Variants in MYL6B observed in about 807,000 individuals in gnomAD.
The protein encoded by MYL6B is myosin alkali light chain 1 slow a.
In MYL6B, 19 loss-of-function variants were observed where a neutral mutation model predicts 24.5. The ratio of observed to expected loss-of-function variants is 0.78; its 90% CI spans 0.54 to 1.14. The LOEUF (loss-of-function observed/expected upper bound fraction) is 1.14, where lower values mean the gene tolerates loss of function less well. Ranked by LOEUF, MYL6B falls within the 50% of genes most tolerant of loss-of-function variation. MYL6B has a pLI of 0.00. For synonymous variants in MYL6B, 90 were observed against 100.7 expected, an observed-to-expected ratio of 0.89 and a Z score of 0.64; for missense variants, 230 against 263.8, an observed-to-expected ratio of 0.87 and a Z score of 0.89.
intron 4 of MYL6B, 109 bp from the exon 5 acceptor site, chr12:56,155,310 A>C: frequency 6.4e-7 from 1 of 1,569,042 alleles, no homozygotes; most frequent in East Asian, 2.2e-5. Flanking sequence ...ACACAGAAGC[A>C]GGAAAATATC....
At position 56,155,051 on chromosome 12, in the gene MYL6B, T is replaced by TTA. The variant is rs1871253355; in HGVS notation, c.203-3_203-2dup. The TTA allele has an allele frequency of 6.2e-7, 1 of 1,608,432 alleles. No individual in the cohort carries two copies. Among genetic ancestry groups the TTA allele is most frequent in the African/African-American group, 1.3e-5 (1 of 74,656 alleles). ...GTCTACACTGACCCTTCCTTATACT[T>TTA]TAGAGTTCAAGGAGGCCTTCGAGCT... On this transcript the variant is annotated splice_region_variant and splice_polypyrimidine_tract_variant and intron_variant, in intron 3 of 6. Coordinates refer to ENST00000553066, the Ensembl canonical transcript of MYL6B.
At chr12:56,156,121 C>T in intron 5 of MYL6B, 5 of 626,234 alleles carry the variant, frequency 8.0e-6, no homozygotes, top group Non-Finnish European at 1.0e-5. Flanking sequence ...GCCTGGCCAA[C>T]ATGGTAAAAC....
chr12:56,155,429 G>C (rs748931036), exon 5 of MYL6B: 1 of 1,614,194 alleles, frequency 6.2e-7, no homozygotes, highest in Non-Finnish European at 8.5e-7. Flanking sequence ...AGCTGAAGTC[G>C]CGGCGTGTGG....
At chr12:56,153,074 G>T (rs968522012) in intron 1 of MYL6B, among the ~76,000 whole-genome samples, 1 of 152,026 alleles carries the variant, frequency 6.6e-6, no homozygotes, top group East Asian at 1.9e-4. Flanking sequence ...CCCAGAGCCT[G>T]CCCTTCTCCT....
chr12:56,155,405 T>TC lies in MYL6B; in HGVS notation c.347-13dup. 6.2e-7 allele frequency: 1 copy of TC among 1,614,164 alleles called. No homozygotes were observed. The highest frequency in any genetic ancestry group is 1.3e-5 in the African/African-American group (1 of 75,028). ...ACTACAATGACCTCTCCTTTACCTC[T>TC]CTCCAACCTCCAGAGCTGAAGTCGC... On this transcript the variant is annotated splice_polypyrimidine_tract_variant and intron_variant, in intron 4 of 6. Transcript: ENST00000553066.
intron 1 of MYL6B, among the ~76,000 whole-genome samples, chr12:56,152,836 C>G (rs999215465): frequency 2.6e-5 from 4 of 152,086 alleles, no homozygotes; most frequent in Admixed American, 1.3e-4. Context: ...CTATCTTCCT[C>G]AGAATGCTAC....
At chr12:56,155,666 G>C (rs571365621) in intron 5 of MYL6B, 74 bp downstream of exon 5, 1 of 1,606,462 alleles carries the variant, frequency 6.2e-7, no homozygotes, top group East Asian at 2.2e-5. Flanking sequence ...AGACTGGACA[G>C]ATAAGCAGAG....
exon 2 of MYL6B, chr12:56,153,938 T>C (rs1871207392): frequency 6.2e-7 from 1 of 1,612,998 alleles, no homozygotes; most frequent in Non-Finnish European, 8.5e-7. Flanking sequence ...AAGAAGGATG[T>C]TCCCGTGAAG....
chr12:56,157,279 G>A (rs1871358996), intron 5 of MYL6B, 189 bp from the exon 6 acceptor site: 1 of 571,064 alleles, frequency 1.8e-6, no homozygotes, highest in Non-Finnish European at 3.1e-6. Context: ...AGCTACTCGG[G>A]AGGGTGAGGC....
intron 1 of MYL6B, 156 bp from the exon 2 acceptor site, chr12:56,153,717 A>C (rs2136902464): frequency 3.7e-6 from 2 of 536,974 alleles, no homozygotes; most frequent in African/African-American, 1.9e-5. Flanking sequence ...GACAGAGGGA[A>C]GAAGACCTTG....
At chr12:56,153,765 A>C in intron 1 of MYL6B, 108 bp from the exon 2 acceptor site, 1 of 739,790 alleles carries the variant, frequency 1.4e-6, no homozygotes, top group South Asian at 2.2e-5. Flanking sequence ...CAGGGGAGTG[A>C]GGGCAGGCGG....
At chr12:56,153,988 C>G (rs762788121) in exon 2 of MYL6B, 2 of 1,614,002 alleles carry the variant, frequency 1.2e-6, no homozygotes, top group Admixed American at 3.3e-5. Context: ...TGCTGCTAAG[C>G]CAGCAGCAGC....
intron 4 of MYL6B, 34 bp downstream of exon 4, chr12:56,155,232 A>G: frequency 1.3e-6 from 2 of 1,565,320 alleles, no homozygotes; most frequent in South Asian, 2.4e-5. Flanking sequence ...TTGGGTTTTT[A>G]GTTTTCAAAA....
At chr12:56,154,006 C>T in exon 2 of MYL6B, 2 of 1,614,136 alleles carry the variant, frequency 1.2e-6, no homozygotes. Flanking sequence ...AGCAGGGGCT[C>T]CTCCAGCCAA....
intron 2 of MYL6B, among the ~76,000 whole-genome samples, chr12:56,154,296 CAT>C (rs367640966): frequency 1.3e-3 from 198 of 152,322 alleles, no homozygotes; most frequent in African/African-American, 4.5e-3. Flanking sequence ...AACCTATAAT[CAT>C]GTGTGTACAG....
intron 1 of MYL6B, 99 bp from the exon 2 acceptor site, chr12:56,153,774 G>A (rs749726081): frequency 1.1e-5 from 9 of 804,694 alleles, no homozygotes; most frequent in Admixed American, 2.9e-5. Context: ...GAGGGCAGGC[G>A]GTTATATCTC....
chr12:56,153,610 C>G (rs777374119), intron 1 of MYL6B: 14 of 404,642 alleles, frequency 3.5e-5, no homozygotes, highest in Non-Finnish European at 4.9e-5. Flanking sequence ...TATCCTCACC[C>G]TGGAGGTTAA....
intron 1 of MYL6B, 58 bp downstream of exon 1, chr12:56,152,689 AGTGTGTGTGTGT>A (rs3070174): frequency 6.7e-6 from 1 of 149,620 alleles, no homozygotes; most frequent in African/African-American, 2.5e-5. Context: ...GGGGTGCGTG[AGTGTGTGTGTGT>A]GTGTGTGTGT....
intron 1 of MYL6B, 85 bp from the exon 2 acceptor site, chr12:56,153,788 T>A (rs1416303577): frequency 1.2e-5 from 11 of 938,952 alleles, no homozygotes; most frequent in Non-Finnish European, 1.6e-6. Context: ...ATATCTCTCC[T>A]CTACCTCATC....
Sources: gnomAD v4.1 joint callset for allele counts (sites outside exome capture counted in the v4.1 genomes callset) on GRCh38, gnomAD v4.1.1 for gene constraint, MANE v1.5 for transcripts, NCBI Gene and HGNC (gene_info 2026-07-23, HGNC 2026-07-21) for gene names.